CABIN1: variants seen among roughly 807,000 people sequenced by gnomAD.
CABIN1 encodes the protein calcineurin binding protein 1, also known as calcineurin-binding protein cabin-1.
Under a neutral mutation model 227.7 loss-of-function variants are expected in CABIN1, and 133 were observed. The ratio of observed to expected loss-of-function variants is 0.58; its 90% confidence interval spans 0.51 to 0.67. The LOEUF (loss-of-function observed/expected upper bound fraction) is 0.67. Ranked by LOEUF, CABIN1 falls within the 30% of genes least tolerant of loss-of-function variation. The pLI, the probability that CABIN1 is intolerant of heterozygous loss-of-function variation, is 0.00. For synonymous variants in CABIN1, 1,086 were observed against 1,155.1 expected, an observed-to-expected ratio of 0.94 and a Z score of 1.21; for missense variants, 2,408 against 2,852.5, an observed-to-expected ratio of 0.84 and a Z score of 3.55.
intron 35 of CABIN1, among the ~76,000 whole-genome samples, chr22:24,176,857 G>A (rs1033666380): frequency 9.2e-5 from 14 of 152,224 alleles, no homozygotes; most frequent in Non-Finnish European, 1.5e-4. Context: ...AGGACCTGGC[G>A]CCAGCCCCTG....
intron 28 of CABIN1, 136 bp downstream of exon 28, chr22:24,119,834 A>T: frequency 1.1e-6 from 1 of 930,438 alleles, no homozygotes; most frequent in Admixed American, 1.9e-5. Flanking sequence ...GGAGAGCTGC[A>T]GGAGGCAGGG....
Position 24,049,162 on chromosome 22 carries a change from A to G in CABIN1, c.598A>G (p.Lys200Glu). The G allele has an allele frequency of 6.2e-7, 1 of 1,614,044 alleles. No homozygotes were observed. ...CAGCAAAGGGCTGGTCCTCAAGGAG[A>G]AGATTTTTGAGGAGCAGCCTTGTCT... ...RYSKGLVLKEKIFEEQPCLRK... is the reference protein window; with the variant it reads ...RYSKGLVLKEEIFEEQPCLRK... The change falls in exon 7 of 37, where the codon AAG becomes GAG. Residue 200 changes from lysine to glutamate, a missense_variant. Physicochemically the swap from Lys to Glu is moderately conservative, Grantham distance 56 (BLOSUM62 1). Transcript: ENST00000263119.
At chr22:24,018,789 C>T (rs2035488764) in intron 1 of CABIN1, among the ~76,000 whole-genome samples, 1 of 151,894 alleles carries the variant, frequency 6.6e-6, no homozygotes, top group Non-Finnish European at 1.5e-5. Flanking sequence ...TTAGTATCAA[C>T]TTGTCAATAT....
At position 24,110,512 on chromosome 22, in the gene CABIN1, A is replaced by AT. The variant is rs1413392604; in HGVS notation, c.4118-3053dup. 2.0e-4 allele frequency among the ~76,000 whole-genome samples: 31 copies of AT among 152,288 alleles called. 1 individual carries two copies. Among genetic ancestry groups the AT allele is most frequent in the Admixed American group, 1.9e-3 (29 of 15,298 alleles). ...CATTTCTGGGAAACTCCATTTCTTT[A>AT]TGTAGATCCAAGTTTTATCTGGCTT... On this transcript the variant is annotated intron_variant, in intron 26 of 36. Coordinates refer to ENST00000263119, the MANE Select transcript of CABIN1 (RefSeq NM_012295.4).
intron 28 of CABIN1, among the ~76,000 whole-genome samples, chr22:24,130,956 C>T (rs571104940): frequency 6.6e-6 from 1 of 152,338 alleles, no homozygotes; most frequent in East Asian, 1.9e-4. Flanking sequence ...CTGCCTTCTC[C>T]CTTTCTGCTC....
intron 29 of CABIN1, among the ~76,000 whole-genome samples, chr22:24,157,643 C>T (rs2045916741): frequency 6.6e-6 from 1 of 152,180 alleles, no homozygotes; most frequent in African/African-American, 2.4e-5. Context: ...ACGCCCCACG[C>T]CATCCCCTCC....
chr22:24,126,533 G>T (rs1479169616), intron 28 of CABIN1, among the ~76,000 whole-genome samples: 1 of 151,940 alleles, frequency 6.6e-6, no homozygotes, highest in Non-Finnish European at 1.5e-5. Context: ...ACTAGAATCT[G>T]CTGGAAGCTG....
At chr22:24,087,757 A>G (rs1322171087) in intron 23 of CABIN1, 44 bp downstream of exon 23, 1 of 1,610,070 alleles carries the variant, frequency 6.2e-7, no homozygotes, top group East Asian at 2.3e-5. Context: ...CCTTCTGTCC[A>G]GACAGAGTGC....
intron 17 of CABIN1, among the ~76,000 whole-genome samples, chr22:24,071,875 C>T (rs1362695094): frequency 6.6e-6 from 1 of 152,206 alleles, no homozygotes; most frequent in Admixed American, 6.5e-5. Flanking sequence ...TGTCCTCTGC[C>T]CCCACTCCTT....
Position 24,166,892 on chromosome 22 carries a change from G to A in CABIN1, c.5261G>A (p.Arg1754Gln), listed in dbSNP as rs767457660. ...GAGCGGAAGGATAAAGAGAGCCCAC[G>A]GGCAGGGCCCACTGAGCCCATGGAC... ...SGERKDKESP[R>Q]AGPTEPMDTS... The change falls in exon 32 of 37, where the codon CGG becomes CAG. Residue 1754 changes from arginine to glutamine, a missense_variant. Arg to Gln is a conservative substitution (Grantham distance 43). Coordinates refer to ENST00000263119, the MANE Select transcript of CABIN1 (RefSeq NM_012295.4). 13 of 1,609,748 alleles carry A rather than the reference G, an allele frequency of 8.1e-6. No individual in the cohort carries two copies. The South Asian group carries it at 9.9e-5, about 12-fold the overall frequency.
chr22:24,171,718 G>A lies in CABIN1; in HGVS notation c.5763G>A (p.Ser1921=), dbSNP rs781299418. 7.3e-5 allele frequency: 118 copies of A among 1,613,914 alleles called. No individual in the cohort carries two copies. The highest frequency in any genetic ancestry group is 1.1e-4 in the African/African-American group (8 of 74,940). ...CCTCTTGTTTGTCCTCACAGGCCTC[G>A]GGGGACACCCCCACCACTCCAAAGC... ...HLGAAAQRQA[S]GDTPTTPKHP... is the part of the protein sequence containing the mutation. The change falls in exon 34 of 37, where the codon TCG becomes TCA. Residue 1921 remains serine, a synonymous_variant. Coordinates refer to ENST00000263119, the MANE Select transcript of CABIN1 (RefSeq NM_012295.4).
At chr22:24,052,448 G>A (rs1244293948) in intron 8 of CABIN1, among the ~76,000 whole-genome samples, 2 of 145,016 alleles carry the variant, frequency 1.4e-5, no homozygotes, top group African/African-American at 5.2e-5. Context: ...AATTTATGTT[G>A]TATATTTTCT....
chr22:24,165,549 G>T lies in CABIN1; in HGVS notation c.4930G>T (p.Asp1644Tyr). The T allele has an allele frequency of 6.2e-7, 1 of 1,613,078 alleles. No individual in the cohort carries two copies. The highest frequency in any genetic ancestry group is 1.7e-5 in the Admixed American group (1 of 59,982). The change falls in exon 31 of 37, where the codon GAC becomes TAC. Residue 1644 changes from aspartate to tyrosine, a missense_variant. Coordinates refer to ENST00000263119, the MANE Select transcript of CABIN1 (RefSeq NM_012295.4). ...CCGCAGGAAGTATCTGCGAGATGCT[G>T]ACCGCCAGGTCCTGGCGCAGCGGGC... ...DQGKKYLRDADRQVLAQRAFI... is the reference protein window; with the variant it reads ...DQGKKYLRDAYRQVLAQRAFI...
At chr22:24,084,915 G>A (rs566562106) in intron 21 of CABIN1, 91 bp from the exon 22 acceptor site, 3 of 1,581,870 alleles carry the variant, frequency 1.9e-6, no homozygotes, top group South Asian at 2.2e-5. Context: ...AGGCTGGAGA[G>A]TCTGTCCTGT....
Position 24,116,787 on chromosome 22 carries a change from G to A in CABIN1, c.4301-2580G>A, listed in dbSNP as rs1414504858. Reference sequence around the variant, plus strand: ...CATCAGTCCAGAGGCTCAGCTGGGGGCATGTCTGTGCCTTATTCTTCTTAG... The same window carrying A: ...CATCAGTCCAGAGGCTCAGCTGGGGACATGTCTGTGCCTTATTCTTCTTAG... On this transcript the variant is annotated intron_variant, in intron 27 of 36. Transcript: ENST00000263119. Among the ~76,000 whole-genome samples, 3 of 152,192 alleles carry A rather than the reference G, an allele frequency of 2.0e-5. 1 individual carries two copies. The East Asian group carries it at 5.8e-4, about 29-fold the overall frequency.
rs1188123810 is a variant in CABIN1 at position 24,178,466 on chromosome 22, T to C, written c.*270T>C. 6.0e-6 allele frequency: 3 copies of C among 496,614 alleles called. No individual in the cohort carries two copies. Among genetic ancestry groups the C allele is most frequent in the South Asian group, 2.1e-5 (1 of 48,038 alleles). The allele number at this position is 496,614 out of a possible 1,614,324, so 30.8% of individuals were successfully genotyped here. A position where few individuals can be genotyped will look rare whatever the true frequency, so the allele number is the denominator to read the frequency against. On this transcript the variant is annotated 3_prime_UTR_variant, in exon 37 of 37. Coordinates refer to ENST00000263119, the MANE Select transcript of CABIN1 (RefSeq NM_012295.4). ...GCACGCCAGGCGGCATCCTTTTCTA[T>C]GAAGTGTTGACTTTGTAAATCTGCC...
At chr22:24,101,628 T>G (rs1399844567) in intron 26 of CABIN1, 3 of 152,298 alleles carry the variant, frequency 2.0e-5, no homozygotes, top group African/African-American at 7.2e-5. Flanking sequence ...CTGGCAGCTC[T>G]GGCTGGTTGT....
At chr22:24,168,923 C>T (rs780930868) in intron 33 of CABIN1, among the ~76,000 whole-genome samples, 2 of 152,184 alleles carry the variant, frequency 1.3e-5, no homozygotes. Flanking sequence ...CCCGCCCCAC[C>T]GCCCCAGGGG....
intron 5 of CABIN1, among the ~76,000 whole-genome samples, chr22:24,041,564 C>G (rs2037375384): frequency 6.6e-6 from 1 of 151,994 alleles, no homozygotes; most frequent in Non-Finnish European, 1.5e-5. Flanking sequence ...CTCTTGGTAT[C>G]TCTAGGTCTA....
Sources: allele counts gnomAD v4.1 joint callset (sites outside exome capture counted in the v4.1 genomes callset), GRCh38; gene constraint gnomAD v4.1.1; transcripts MANE v1.5; gene names NCBI Gene and HGNC (gene_info 2026-07-23, HGNC 2026-07-21).